GKAP1: variants seen among roughly 807,000 people sequenced by gnomAD.
The protein encoded by GKAP1 is G kinase anchoring protein 1, also known as G kinase-anchoring protein 1.
Under a neutral mutation model 56.7 loss-of-function variants are expected in GKAP1, and 31 were observed. The observed-to-expected ratio is 0.55, with a 90% CI of 0.41 to 0.74. The LOEUF (loss-of-function observed/expected upper bound fraction) is 0.74. GKAP1 is among the 30% of genes least tolerant of loss of function. The pLI, the probability that GKAP1 is intolerant of heterozygous loss-of-function variation, is 0.00. For missense variants in GKAP1, 364 were observed against 402.3 expected (o/e 0.90, Z 0.82); for synonymous variants, 151 against 138.6 (o/e 1.09, Z -0.63).
At chr9:83,741,356 T>TCACA (rs1491224540) in intron 12 of GKAP1, among the ~76,000 whole-genome samples, 25 of 86,072 alleles carry the variant, frequency 2.9e-4, no homozygotes, top group African/African-American at 7.8e-4. Context: ...CATAAATATA[T>TCACA]CTCTCACACA....
At chr9:83,814,218 C>T (rs907190097) in intron 2 of GKAP1, among the ~76,000 whole-genome samples, 1 of 152,162 alleles carries the variant, frequency 6.6e-6, no homozygotes, top group East Asian at 1.9e-4. Context: ...TAATAGCATG[C>T]GTTAGGGCTT....
chr9:83,794,544 G>C (rs1279938144), intron 4 of GKAP1, among the ~76,000 whole-genome samples: 2 of 152,162 alleles, frequency 1.3e-5, no homozygotes, highest in Non-Finnish European at 2.9e-5. Context: ...GAGAGAACTT[G>C]CTATTGTGCA....
At chr9:83,740,474 AT>A (rs1943188917) in intron 12 of GKAP1, among the ~76,000 whole-genome samples, 1 of 152,182 alleles carries the variant, frequency 6.6e-6, no homozygotes, top group Non-Finnish European at 1.5e-5. Flanking sequence ...AAAATCATCA[AT>A]AGCTACTCTA....
intron 2 of GKAP1, among the ~76,000 whole-genome samples, chr9:83,814,865 T>C (rs998062630): frequency 6.6e-6 from 1 of 152,230 alleles, no homozygotes; most frequent in Non-Finnish European, 1.5e-5. Context: ...AGGAAGCATA[T>C]CTGGTTTTAA....
Position 83,817,543 on chromosome 9 carries a change from C to T in GKAP1, c.-202G>A, listed in dbSNP as rs1944640299. On this transcript the variant is annotated 5_prime_UTR_variant, in exon 1 of 13. Transcript: ENST00000376371. The stretch of plus-strand genomic sequence containing the variant: ...GGGCCTCCCGTGCCGCCGGCTCGGC[C>T]CTCCTCTCCCTCCTCCCCCCGCCGC... The T allele has an allele frequency of 6.6e-6, 1 of 151,668 alleles. No homozygotes were observed. Among genetic ancestry groups the T allele is most frequent in the Non-Finnish European group, 1.5e-5 (1 of 67,964 alleles). 9.4% of individuals were successfully genotyped at this position (151,668 alleles called of 1,614,324 possible).
At chr9:83,752,123 G>A (rs1354603159) in intron 9 of GKAP1, among the ~76,000 whole-genome samples, 2 of 152,268 alleles carry the variant, frequency 1.3e-5, no homozygotes, top group Admixed American at 6.5e-5. Flanking sequence ...ATTATGCTAG[G>A]CCAGGCACAG....
intron 10 of GKAP1, among the ~76,000 whole-genome samples, chr9:83,745,366 A>G (rs1446700475): frequency 6.6e-6 from 1 of 152,278 alleles, no homozygotes; most frequent in South Asian, 2.1e-4. Context: ...AGTGATTTTT[A>G]GGAACACATG....
intron 9 of GKAP1, among the ~76,000 whole-genome samples, chr9:83,752,115 T>A (rs1259029021): frequency 6.6e-6 from 1 of 152,036 alleles, no homozygotes. Context: ...TTAAAAACAT[T>A]ATGCTAGGCC....
At chr9:83,772,901 T>C (rs1302491183) in intron 7 of GKAP1, among the ~76,000 whole-genome samples, 1 of 152,208 alleles carries the variant, frequency 6.6e-6, no homozygotes, top group Non-Finnish European at 1.5e-5. Context: ...CCCACTAGAA[T>C]GGCTATAATC....
intron 4 of GKAP1, among the ~76,000 whole-genome samples, chr9:83,790,446 T>C (rs778715372): frequency 1.3e-5 from 2 of 152,148 alleles, no homozygotes; most frequent in Non-Finnish European, 2.9e-5. Context: ...GATAATAAAA[T>C]GTTTCACTAA....
chr9:83,779,502 CATATATGTGTATATATAT>C (rs1564201628), intron 7 of GKAP1, among the ~76,000 whole-genome samples: 4 of 118,020 alleles, frequency 3.4e-5, no homozygotes, highest in African/African-American at 6.1e-5. Flanking sequence ...CACATATACA[CATATATGTGTATATATAT>C]ACACGTGTAT....
At chr9:83,742,053 A>T in intron 11 of GKAP1, 24 bp from the exon 12 acceptor site, 3 of 1,524,478 alleles carry the variant, frequency 2.0e-6, no homozygotes, top group Non-Finnish European at 2.7e-6. Context: ...TTCAATAAGA[A>T]AAAGAATTTT....
At chr9:83,804,545 A>G (rs867579854) in intron 3 of GKAP1, among the ~76,000 whole-genome samples, 44 of 25,744 alleles carry the variant, frequency 1.7e-3, no homozygotes, top group Middle Eastern at 0.028. Flanking sequence ...CCCCCCGCCC[A>G]GCCAGACGCC....
At chr9:83,745,657 A>G (rs1256909061) in intron 10 of GKAP1, among the ~76,000 whole-genome samples, 2 of 152,222 alleles carry the variant, frequency 1.3e-5, no homozygotes, top group Non-Finnish European at 2.9e-5. Context: ...ACTTAGAAAT[A>G]TATCTTCTAA....
chr9:83,797,963 A>G (rs904872797), intron 4 of GKAP1, among the ~76,000 whole-genome samples: 1 of 152,098 alleles, frequency 6.6e-6, no homozygotes, highest in African/African-American at 2.4e-5. Flanking sequence ...GAAAAAAAAG[A>G]ATCAACCCCT....
At chr9:83,804,690 G>A (rs1356431882) in intron 3 of GKAP1, among the ~76,000 whole-genome samples, 36 of 144,522 alleles carry the variant, frequency 2.5e-4, no homozygotes, top group Admixed American at 8.1e-4. Flanking sequence ...CCAGCCCCCC[G>A]CCCGGCCAGC....
At chr9:83,794,368 T>C (rs991244498) in intron 4 of GKAP1, among the ~76,000 whole-genome samples, 1 of 152,216 alleles carries the variant, frequency 6.6e-6, no homozygotes, top group Admixed American at 6.5e-5. Context: ...ATGGATTTAT[T>C]TGAATTTACA....
chr9:83,782,388 C>T (rs1304220417), intron 6 of GKAP1, among the ~76,000 whole-genome samples: 3 of 145,520 alleles, frequency 2.1e-5, no homozygotes, highest in African/African-American at 7.7e-5. Context: ...GATGGAGTTT[C>T]GCTCTTGTTG....
Position 83,779,549 on chromosome 9 carries a change from G to A in GKAP1, c.585+833C>T, listed in dbSNP as rs202036973. 6.1e-3 allele frequency among the ~76,000 whole-genome samples: 368 copies of A among 60,826 alleles called. 11 individuals are homozygous for A. The highest frequency in any genetic ancestry group is 0.019 in the African/African-American group (339 of 17,498). The allele number at this position is 60,826 out of a possible 152,430, so 39.9% of individuals were successfully genotyped here. A position where few individuals can be genotyped will look rare whatever the true frequency, so the allele number is the denominator to read the frequency against. Reference sequence around the variant, plus strand: ...CGTGTATATGTGTATATATATACACGTGTATATGTGTATATATATACACAC... The same window carrying A: ...CGTGTATATGTGTATATATATACACATGTATATGTGTATATATATACACAC... On this transcript the variant is annotated intron_variant, in intron 7 of 12. Transcript: ENST00000376371.
Sources: gnomAD v4.1 joint callset for allele counts (sites outside exome capture counted in the v4.1 genomes callset) on GRCh38, gnomAD v4.1.1 for gene constraint, MANE v1.5 for transcripts, NCBI Gene and HGNC (gene_info 2026-07-23, HGNC 2026-07-21) for gene names.